Variants in OTULIN observed in about 807,000 individuals in gnomAD.
OTULIN encodes ubiquitin thioesterase otulin.
Under a neutral mutation model 39.6 loss-of-function variants are expected in OTULIN, and 15 were observed. The observed-to-expected ratio is 0.38, with a 90% CI of 0.25 to 0.58. OTULIN has a LOEUF of 0.58. OTULIN is among the 20% of genes least tolerant of loss of function. The pLI is 0.66. For synonymous variants in OTULIN, 156 were observed against 170.3 expected (o/e 0.92, Z 0.65); for missense variants, 319 against 445.9 (o/e 0.72, Z 2.56).
the OTULIN span, among the ~76,000 whole-genome samples, chr5:14,711,748 T>C: frequency 1.3e-5 from 2 of 152,358 alleles, no homozygotes; most frequent in Admixed American, 6.5e-5. Flanking sequence ...AGCTCCAGGC[T>C]TGCCGTCATT....
chr5:14,715,106 C>A, the OTULIN span, among the ~76,000 whole-genome samples: 1 of 152,256 alleles, frequency 6.6e-6, no homozygotes, highest in Non-Finnish European at 1.5e-5. Context: ...TCAGCCCTGG[C>A]CTACCTGGGG....
the OTULIN span, chr5:14,704,857 A>C: frequency 6.6e-6 from 1 of 152,206 alleles, no homozygotes; most frequent in African/African-American, 2.4e-5. Flanking sequence ...TATGAAACCT[A>C]TTTGACAATA....
the OTULIN span, among the ~76,000 whole-genome samples, chr5:14,711,646 T>G: frequency 6.6e-6 from 1 of 152,192 alleles, no homozygotes; most frequent in Non-Finnish European, 1.5e-5. Context: ...TGTAGACTGC[T>G]TCTCCTTCCT....
downstream of OTULIN, among the ~76,000 whole-genome samples, chr5:14,701,309 C>T (rs1222191764): frequency 1.3e-5 from 2 of 152,240 alleles, no homozygotes; most frequent in African/African-American, 4.8e-5. Context: ...TGAGCCCTGT[C>T]CACACCCCTA....
the OTULIN span, chr5:14,706,549 A>G: frequency 1.3e-5 from 2 of 152,210 alleles, no homozygotes; most frequent in Non-Finnish European, 1.5e-5. Context: ...GAGATCAGAT[A>G]GTATACTATA....
the OTULIN span, chr5:14,712,940 G>T: frequency 6.2e-7 from 1 of 1,613,612 alleles, no homozygotes; most frequent in South Asian, 1.1e-5. Flanking sequence ...AGCCCGCCAG[G>T]AGGGAGCCCA....
At chr5:14,705,226 A>G in the OTULIN span, 1 of 152,142 alleles carries the variant, frequency 6.6e-6, no homozygotes, top group Non-Finnish European at 1.5e-5. Flanking sequence ...TGACAAACCT[A>G]TGGGCTGACA....
chr5:14,678,701 C>T lies in OTULIN; in HGVS notation c.250C>T (p.Pro84Ser). 6.3e-7 allele frequency: 1 copy of T among 1,588,996 alleles called. No individual in the cohort carries two copies. The part of the protein sequence containing the change: ...GASEPRLSVA[P>S]EMDIMDYCKK... ...AACAGAACCGAGATTAAGCGTAGCT[C>T]CTGAAATGGATATCATGGACTACTG... The change falls in exon 3 of 7, where the codon CCT becomes TCT. Residue 84 changes from proline to serine, a missense_variant. Pro to Ser is a moderately conservative substitution (Grantham distance 74). Coordinates refer to ENST00000284274, the MANE Select transcript of OTULIN (RefSeq NM_138348.6).
At chr5:14,691,946 A>G (rs947353094) in intron 6 of OTULIN, among the ~76,000 whole-genome samples, 2 of 152,264 alleles carry the variant, frequency 1.3e-5, no homozygotes, top group African/African-American at 4.8e-5. Flanking sequence ...ATTGATAAGT[A>G]ATATCCCATT....
At chr5:14,688,135 G>T (rs1157425071) in intron 5 of OTULIN, among the ~76,000 whole-genome samples, 2 of 152,172 alleles carry the variant, frequency 1.3e-5, no homozygotes, top group Non-Finnish European at 2.9e-5. Flanking sequence ...AAACAGAATT[G>T]TAGGGAGAAC....
the OTULIN span, among the ~76,000 whole-genome samples, chr5:14,712,508 C>T: frequency 2.6e-5 from 4 of 152,400 alleles, no homozygotes; most frequent in South Asian, 8.3e-4. Context: ...TGCACAGCCA[C>T]ATTGGTATCA....
intron 5 of OTULIN, among the ~76,000 whole-genome samples, chr5:14,689,342 A>G (rs778236421): frequency 3.3e-5 from 5 of 152,202 alleles, no homozygotes; most frequent in Non-Finnish European, 4.4e-5. Context: ...TGAGAGGGGC[A>G]CTAGTTATTG....
intron 4 of OTULIN, 110 bp downstream of exon 4, chr5:14,681,717 G>C (rs1000580968): frequency 8.0e-7 from 1 of 1,250,490 alleles, no homozygotes. Context: ...TATGATGTCA[G>C]CATGTGCGTT....
intron 6 of OTULIN, among the ~76,000 whole-genome samples, chr5:14,692,530 A>G (rs1340795822): frequency 6.6e-6 from 1 of 152,192 alleles, no homozygotes; most frequent in African/African-American, 2.4e-5. Flanking sequence ...GGTCACTTGT[A>G]TATCTTCTTT....
chr5:14,700,067 G>A (rs1264470900), downstream of OTULIN, among the ~76,000 whole-genome samples: 2 of 152,194 alleles, frequency 1.3e-5, no homozygotes, highest in Non-Finnish European at 2.9e-5. Flanking sequence ...AGTCTGACTT[G>A]CGTTTCTTGA....
intron 4 of OTULIN, among the ~76,000 whole-genome samples, chr5:14,685,196 A>G (rs141181005): frequency 3.7e-4 from 57 of 152,318 alleles, no homozygotes; most frequent in African/African-American, 1.3e-3. Context: ...CTGTGTATCA[A>G]AATTTTTTTG....
chr5:14,710,693 G>GA, the OTULIN span: 1 of 178,148 alleles, frequency 5.6e-6, no homozygotes, highest in African/African-American at 2.4e-5. Flanking sequence ...TGGCGGAAGG[G>GA]AAATTTAAGA....
At chr5:14,689,974 T>A in intron 5 of OTULIN, 65 bp from the exon 6 acceptor site, 1 of 1,511,908 alleles carries the variant, frequency 6.6e-7, no homozygotes, top group Non-Finnish European at 8.9e-7. Context: ...GTGCTCATAG[T>A]ATGGTACTAT....
At chr5:14,692,727 A>G in intron 6 of OTULIN, 127 bp from the exon 7 acceptor site, 1 of 698,120 alleles carries the variant, frequency 1.4e-6, no homozygotes, top group Non-Finnish European at 2.3e-6. Flanking sequence ...GCTGGGCCCA[A>G]AGCAGGAGGA....
Sources: gnomAD v4.1 joint callset for allele counts (sites outside exome capture counted in the v4.1 genomes callset) on GRCh38, gnomAD v4.1.1 for gene constraint, MANE v1.5 for transcripts, NCBI Gene and HGNC (gene_info 2026-07-23, HGNC 2026-07-21) for gene names.